Variants in SNX1 observed in about 807,000 individuals in gnomAD.
SNX1 encodes sorting nexin 1.
In SNX1, 36 loss-of-function variants were observed where a neutral mutation model predicts 71.8. The ratio of observed to expected loss-of-function variants is 0.50; its 90% CI spans 0.38 to 0.66. The LOEUF (loss-of-function observed/expected upper bound fraction) is 0.66, where lower values mean the gene tolerates loss of function less well. Among genes scored for constraint, SNX1 ranks in the 30% least tolerant of loss-of-function variants. The pLI is 0.00. For synonymous variants in SNX1, 254 were observed against 240.7 expected (o/e 1.06, Z -0.51); for missense variants, 612 against 646.7 (o/e 0.95, Z 0.58).
At position 64,136,890 on chromosome 15, in the gene SNX1, C is replaced by T. The variant is rs571174194; in HGVS notation, c.1476C>T (p.His492=). The T allele has an allele frequency of 5.6e-6, 9 of 1,613,956 alleles. No individual in the cohort carries two copies. Among genetic ancestry groups the T allele is most frequent in the East Asian group, 2.2e-5 (1 of 44,882 alleles). The change falls in exon 14 of 15, where the codon CAC becomes CAT. Residue 492 remains histidine (H), a synonymous_variant. Coordinates refer to ENST00000559844, the MANE Select transcript of SNX1 (RefSeq NM_003099.5). ...EKEKSKDFKN[H]VIKYLETLLY... The stretch of plus-strand genomic sequence containing the variant: ...AGAAATCCAAGGACTTCAAGAACCA[C>T]GTGATCAAGTACCTTGAGACACTCC...
Position 64,142,778 on chromosome 15 carries a change from G to A in SNX1, c.*5160G>A, listed in dbSNP as rs190388225. The A allele has an allele frequency of 7.0e-4, 289 of 413,256 alleles. No homozygotes were observed. The highest frequency in any genetic ancestry group is 2.2e-3 in the Middle Eastern group (6 of 2,772). The allele number at this position is 413,256 out of a possible 1,614,324, so 25.6% of individuals were successfully genotyped here. Reference sequence around the variant, plus strand: ...GGTGTGATCCCAGTATTCAGTGTCAGTACTCAGTGACAAAATAAATGAGAG... The same window carrying A: ...GGTGTGATCCCAGTATTCAGTGTCAATACTCAGTGACAAAATAAATGAGAG... On this transcript the variant is annotated 3_prime_UTR_variant, in exon 15 of 15. Coordinates refer to ENST00000559844, the MANE Select transcript of SNX1 (RefSeq NM_003099.5).
chr15:64,126,139 C>T lies in SNX1; in HGVS notation c.571C>T (p.Leu191=). 5.6e-6 allele frequency: 9 copies of T among 1,614,116 alleles called. No individual in the cohort carries two copies. The highest frequency in any genetic ancestry group is 7.6e-6 in the Non-Finnish European group (9 of 1,179,994). The change falls in exon 6 of 15, where the codon CTG becomes TTG. Residue 191 remains leucine, a synonymous_variant. Coordinates refer to ENST00000559844, the MANE Select transcript of SNX1 (RefSeq NM_003099.5). ...FAVKRRFSDF[L]GLYEKLSEKH... is the part of the protein sequence containing the mutation. The stretch of plus-strand genomic sequence containing the variant: ...AGTAAAAAGAAGATTTAGTGACTTT[C>T]TGGGTCTTTATGAGAAGCTTTCCGA...
chr15:64,126,017 A>C, intron 5 of SNX1, 62 bp from the exon 6 acceptor site: 1 of 1,555,086 alleles, frequency 6.4e-7, no homozygotes, highest in South Asian at 1.1e-5. Flanking sequence ...CAATAGGATG[A>C]CTTTCAAGAT....
In SNX1 at chr15:64,134,698, G is replaced by A. The variant is rs773086930; in HGVS notation, c.1256G>A (p.Arg419His). ...AFDQRMKTWQ[R>H]WQDAQATLQK... Reference sequence around the variant, plus strand: ...GACCAGCGCATGAAGACATGGCAGCGCTGGCAGGATGCCCAAGCCACACTG... The same window carrying A: ...GACCAGCGCATGAAGACATGGCAGCACTGGCAGGATGCCCAAGCCACACTG... Residue 419 changes from arginine to histidine, a missense_variant, in exon 12 of 15, where the codon CGC (arginine) becomes CAC (histidine). By Grantham distance (29) the Arg-to-His change is conservative. Transcript: ENST00000559844. The surrounding 1 kb of genome is among the most constrained non-coding windows in gnomAD (Gnocchi z 4.1). 16 of 1,613,098 alleles carry A rather than the reference G, an allele frequency of 9.9e-6. No homozygotes were observed. Among genetic ancestry groups the A allele is most frequent in the Admixed American group, 8.3e-5 (5 of 59,996 alleles).
At chr15:64,137,015 T>C in intron 14 of SNX1, 83 bp downstream of exon 14, 1 of 1,068,930 alleles carries the variant, frequency 9.4e-7, no homozygotes, top group Non-Finnish European at 1.4e-6. Context: ...CAACAAGATG[T>C]GCAGGCCCTG....
Position 64,118,830 on chromosome 15 carries a change from G to C in SNX1, c.442G>C (p.Gly148Arg), listed in dbSNP as rs770349136. 1 of 1,613,118 alleles carries C rather than the reference G, an allele frequency of 6.2e-7. No homozygotes were observed. Among genetic ancestry groups the C allele is most frequent in the South Asian group, 1.1e-5 (1 of 91,024 alleles). The part of the protein sequence containing the change: ...EQEDQFDLTV[G>R]ITDPEKIGDG... Reference sequence around the variant, plus strand: ...GGAGGATCAATTTGATTTGACAGTCGGTATAACTGATCCTGAGAAGATAGG... The same window carrying C: ...GGAGGATCAATTTGATTTGACAGTCCGTATAACTGATCCTGAGAAGATAGG... The change falls in exon 4 of 15, where the codon GGT becomes CGT. Residue 148 changes from glycine to arginine, a missense_variant. Physicochemically the swap from Gly to Arg is moderately radical, Grantham distance 125 (BLOSUM62 -2). Coordinates refer to ENST00000559844, the MANE Select transcript of SNX1 (RefSeq NM_003099.5).
intron 8 of SNX1, 99 bp downstream of exon 8, chr15:64,127,905 G>C (rs569192395): frequency 2.6e-6 from 2 of 773,680 alleles, no homozygotes; most frequent in African/African-American, 3.5e-5. Flanking sequence ...AACATGCCTA[G>C]TACTAGACTG....
chr15:64,111,139 G>A (rs1268800588), intron 1 of SNX1, among the ~76,000 whole-genome samples: 2 of 152,244 alleles, frequency 1.3e-5, no homozygotes, highest in African/African-American at 2.4e-5. Context: ...TACTGTACAA[G>A]AGTGTAGGAA....
In SNX1 at chr15:64,138,083, C is replaced by G. The variant is rs984060982; in HGVS notation, c.*465C>G. On this transcript the variant is annotated 3_prime_UTR_variant, in exon 15 of 15. Transcript: ENST00000559844. ...GAATCAGGTCTGGAATACTCCTAAC[C>G]AAGAAGTTGCCCAGGTATAGTAAGT... The G allele has an allele frequency of 6.5e-7, 1 of 1,535,776 alleles. No homozygotes were observed. Among genetic ancestry groups the G allele is most frequent in the South Asian group, 1.2e-5 (1 of 83,998 alleles).
At chr15:64,101,643 T>C (rs564128466) in intron 1 of SNX1, among the ~76,000 whole-genome samples, 2 of 152,206 alleles carry the variant, frequency 1.3e-5, no homozygotes, top group Non-Finnish European at 2.9e-5. Context: ...TCCTGGATCT[T>C]GTGGTAGTTC....
chr15:64,117,346 C>G (rs2081140431), intron 2 of SNX1, among the ~76,000 whole-genome samples: 1 of 152,106 alleles, frequency 6.6e-6, no homozygotes, highest in African/African-American at 2.4e-5. Flanking sequence ...CCTCTGCCTC[C>G]CCAGTTCAAA....
chr15:64,142,763 C>A lies in SNX1; in HGVS notation c.*5145C>A. ...ACTGGACTTCGAGCTGGTGTGATCC[C>A]AGTATTCAGTGTCAGTACTCAGTGA... On this transcript the variant is annotated 3_prime_UTR_variant, in exon 15 of 15. Transcript: ENST00000559844. 2.2e-6 allele frequency: 1 copy of A among 450,914 alleles called. No individual in the cohort carries two copies. The highest frequency in any genetic ancestry group is 4.5e-6 in the Non-Finnish European group (1 of 224,418). The allele number at this position is 450,914 out of a possible 1,614,324, so 27.9% of individuals were successfully genotyped here. A position where few individuals can be genotyped will look rare whatever the true frequency, so the allele number is the denominator to read the frequency against.
Position 64,129,555 on chromosome 15 carries a change from G to A in SNX1, c.808-361G>A, listed in dbSNP as rs183452842. ...TTTTAAGTCTGGTTTTGTACAAAGT[G>A]TGCTAATCCAAGGGAACTTTTGACT... is the stretch of plus-strand genomic sequence containing the variant. On this transcript the variant is annotated intron_variant, in intron 8 of 14. Coordinates refer to ENST00000559844, the MANE Select transcript of SNX1 (RefSeq NM_003099.5). This position sits in a 1 kb window ranked among gnomAD's most constrained non-coding sequence, Gnocchi z 4.4. 1.3e-5 allele frequency among the ~76,000 whole-genome samples: 2 copies of A among 152,330 alleles called. No homozygotes were observed. The highest frequency in any genetic ancestry group is 3.9e-4 in the East Asian group (2 of 5,192).
intron 2 of SNX1, among the ~76,000 whole-genome samples, chr15:64,114,896 C>T (rs2081113086): frequency 1.3e-5 from 2 of 152,132 alleles, no homozygotes; most frequent in Admixed American, 1.3e-4. Flanking sequence ...AATTCCAGCA[C>T]TTTGGGAGGC....
Position 64,134,826 on chromosome 15 carries a change from C to A in SNX1, c.1365+19C>A. The A allele has an allele frequency of 6.2e-7, 1 of 1,613,082 alleles. No homozygotes were observed. Among genetic ancestry groups the A allele is most frequent in the Non-Finnish European group, 8.5e-7 (1 of 1,179,738 alleles). ...CCTCGAGGTGAGTCCACTGAGGCAG[C>A]CCAGCCAGGGGTGTTCTGCTGGTTC... On this transcript the variant is annotated intron_variant, in intron 12 of 14. Transcript: ENST00000559844. This position sits in a 1 kb window ranked among gnomAD's most constrained non-coding sequence, Gnocchi z 4.1.
intron 1 of SNX1, among the ~76,000 whole-genome samples, chr15:64,107,480 A>C (rs2081034125): frequency 6.6e-6 from 1 of 152,218 alleles, no homozygotes; most frequent in Admixed American, 6.5e-5. Flanking sequence ...CTGAGCTAAG[A>C]AAATTGTGCT....
chr15:64,124,818 T>C (rs879318503), intron 5 of SNX1, among the ~76,000 whole-genome samples: 1 of 152,214 alleles, frequency 6.6e-6, no homozygotes, highest in African/African-American at 2.4e-5. Flanking sequence ...AAAGTCTTTG[T>C]ACCAATTTGT....
chr15:64,120,663 T>C (rs2081187688), intron 4 of SNX1, among the ~76,000 whole-genome samples: 1 of 151,832 alleles, frequency 6.6e-6, no homozygotes, highest in African/African-American at 2.4e-5. Flanking sequence ...AGTAAAAAAT[T>C]AGCCCTGTCT....
At chr15:64,137,521 C>T (rs748981684) in intron 14 of SNX1, 47 bp from the exon 15 acceptor site, 25 of 1,611,454 alleles carry the variant, frequency 1.6e-5, no homozygotes, top group Non-Finnish European at 1.7e-5. Flanking sequence ...GGCTTAGGCT[C>T]TGCCACTAGG....
Sources: gnomAD v4.1 joint callset for allele counts (sites outside exome capture counted in the v4.1 genomes callset) on GRCh38, gnomAD v4.1.1 for gene constraint, Gnocchi (gnomAD v3.1) non-coding constraint, MANE v1.5 for transcripts, NCBI Gene and HGNC (gene_info 2026-07-23, HGNC 2026-07-21) for gene names.